DLG2: variants seen among roughly 807,000 people sequenced by gnomAD.
DLG2 encodes disks large homolog 2.
In DLG2, 45 loss-of-function variants were observed where a neutral mutation model predicts 132.5. The observed-to-expected ratio is 0.34, with a 90% CI of 0.27 to 0.44. The LOEUF is 0.44. Ranked by LOEUF, DLG2 falls within the 20% of genes least tolerant of loss-of-function variation. The pLI is 1.00. For missense variants in DLG2, 1,045 were observed against 1,196.9 expected, an observed-to-expected ratio of 0.87 and a Z score of 1.87; for synonymous variants, 424 against 419.6, an observed-to-expected ratio of 1.01 and a Z score of -0.13.
chr11:83,644,578 T>C lies in DLG2; in HGVS notation c.1826-11253A>G, dbSNP rs1401490348. On this transcript the variant is annotated intron_variant, in intron 18 of 27. Coordinates refer to ENST00000376104, the MANE Select transcript of DLG2 (RefSeq NM_001142699.3). The stretch of plus-strand genomic sequence containing the variant: ...CTATTTATCATATTAATATTGCGAG[T>C]ATTTTGTGTTATGCAGCCAGAAAAA... Among the ~76,000 whole-genome samples the C allele has an allele frequency of 3.3e-5, 5 of 152,066 alleles. 1 individual carries two copies. The South Asian group carries it at 8.3e-4, about 25-fold the overall frequency.
At chr11:84,699,250 G>A (rs1197659112) in intron 6 of DLG2, among the ~76,000 whole-genome samples, 19 of 151,534 alleles carry the variant, frequency 1.3e-4, no homozygotes, top group Admixed American at 1.3e-3. Context: ...AAGTGCTTGG[G>A]CATGTTCCTG....
intron 3 of DLG2, among the ~76,000 whole-genome samples, chr11:85,476,577 TC>T (rs1021858091): frequency 7.9e-5 from 12 of 152,148 alleles, no homozygotes; most frequent in Non-Finnish European, 1.8e-4. Context: ...ATCTTTTCTT[TC>T]TTTATATCCT....
intron 3 of DLG2, among the ~76,000 whole-genome samples, chr11:85,584,333 T>A (rs2153229777): frequency 7.3e-6 from 1 of 137,158 alleles, no homozygotes; most frequent in Admixed American, 7.8e-5. Flanking sequence ...CTGAGTAGTA[T>A]TCCATGGTGT....
At chr11:84,631,262 AT>A (rs1265001863) in intron 6 of DLG2, among the ~76,000 whole-genome samples, 3 of 81,412 alleles carry the variant, frequency 3.7e-5, no homozygotes, top group Admixed American at 2.7e-4. Context: ...TAATTAGCCC[AT>A]AAAAAAAAAT....
At chr11:84,712,107 A>C (rs942908116) in intron 6 of DLG2, among the ~76,000 whole-genome samples, 1 of 152,080 alleles carries the variant, frequency 6.6e-6, no homozygotes, top group African/African-American at 2.4e-5. Flanking sequence ...GAATGATTTC[A>C]CCATATGTAC....
intron 19 of DLG2, among the ~76,000 whole-genome samples, chr11:83,567,337 G>C (rs2096725674): frequency 6.6e-6 from 1 of 152,118 alleles, no homozygotes; most frequent in Non-Finnish European, 1.5e-5. Flanking sequence ...TATGTTTAAG[G>C]CTACTGTTTT....
At position 83,556,378 on chromosome 11, in the gene DLG2, C is replaced by CTT. The variant is rs11368850; in HGVS notation, c.1941-14522_1941-14521dup. ...ATTTTCAGTTTTGTCCTTTTTCTTT[C>CTT]TTTTTTTTTTTTGAGATGGGGTTTC... On this transcript the variant is annotated intron_variant, in intron 19 of 27. Coordinates refer to ENST00000376104, the MANE Select transcript of DLG2 (RefSeq NM_001142699.3). Among the ~76,000 whole-genome samples, 429 of 144,330 alleles carry CTT rather than the reference C, an allele frequency of 3.0e-3. 1 individual carries two copies. Among genetic ancestry groups the CTT allele is most frequent in the Non-Finnish European group, 4.9e-3 (324 of 66,180 alleles). 94.7% of individuals were successfully genotyped at this position (144,330 alleles called of 152,430 possible).
intron 6 of DLG2, among the ~76,000 whole-genome samples, chr11:84,957,393 T>G (rs949727609): frequency 1.3e-5 from 2 of 152,232 alleles, no homozygotes; most frequent in Non-Finnish European, 2.9e-5. Flanking sequence ...ACATTATATG[T>G]GATATTTAAA....
At chr11:83,508,403 A>ATTTTTTTTTTTTTTTTTTTTTTT (rs746968613) in intron 21 of DLG2, among the ~76,000 whole-genome samples, 1 of 80,238 alleles carries the variant, frequency 1.2e-5, no homozygotes, top group African/African-American at 6.3e-5. Context: ...CGCCTGGCTA[A>ATTTTTTTTTTTTTTTTTTTTTTT]TTTTTTTTTT....
At chr11:83,487,328 TAACA>T (rs58858732) in intron 21 of DLG2, among the ~76,000 whole-genome samples, 93,499 of 151,416 alleles carry the variant, frequency 0.62, 29,501 homozygotes, top group African/African-American at 0.74. Context: ...AAACAATAAC[TAACA>T]AACATTTATT....
intron 6 of DLG2, among the ~76,000 whole-genome samples, chr11:84,628,843 G>A (rs796881505): frequency 4.6e-5 from 7 of 152,320 alleles, no homozygotes; most frequent in African/African-American, 1.7e-4. Context: ...GCTTAGCAAA[G>A]TGTTCAATGA....
intron 6 of DLG2, among the ~76,000 whole-genome samples, chr11:84,981,576 G>A (rs772761526): frequency 1.9e-4 from 29 of 151,978 alleles, no homozygotes; most frequent in Non-Finnish European, 3.4e-4. Flanking sequence ...TTTCTGTTTT[G>A]CTTATAAAAC....
intron 3 of DLG2, among the ~76,000 whole-genome samples, chr11:85,304,873 C>G (rs2079836903): frequency 6.6e-6 from 1 of 152,142 alleles, no homozygotes; most frequent in Admixed American, 6.5e-5. Context: ...AGTATTTATT[C>G]AATTATGTAA....
At chr11:83,720,954 G>GA (rs2088373854) in intron 18 of DLG2, 1 of 152,186 alleles carries the variant, frequency 6.6e-6, no homozygotes, top group East Asian at 1.9e-4. Context: ...ATCTGGGGGT[G>GA]AATCAACTAA....
chr11:84,500,069 C>T (rs1021512477), intron 7 of DLG2, among the ~76,000 whole-genome samples: 1 of 151,876 alleles, frequency 6.6e-6, no homozygotes, highest in Admixed American at 6.6e-5. Context: ...AAGGAGAATA[C>T]ATTCAGGAAG....
intron 6 of DLG2, chr11:84,545,544 A>C (rs1486904830): frequency 2.6e-6 from 1 of 390,300 alleles, no homozygotes; most frequent in East Asian, 6.2e-5. Context: ...TTGCTTTGAC[A>C]GGGATGAATT....
chr11:84,712,179 C>G (rs1446060368), intron 6 of DLG2, among the ~76,000 whole-genome samples: 4 of 152,112 alleles, frequency 2.6e-5, no homozygotes, highest in Admixed American at 2.6e-4. Context: ...TTCTTAAAGT[C>G]TGAGCTCTTT....
intron 6 of DLG2, among the ~76,000 whole-genome samples, chr11:84,989,940 C>A (rs2056900586): frequency 6.6e-6 from 1 of 152,132 alleles, no homozygotes; most frequent in South Asian, 2.1e-4. Context: ...GACATCTAAA[C>A]CTAGCATTAG....
chr11:85,386,720 T>A (rs2086359717), intron 3 of DLG2, among the ~76,000 whole-genome samples: 1 of 151,922 alleles, frequency 6.6e-6, no homozygotes, highest in African/African-American at 2.4e-5. Flanking sequence ...AGCTTATCTT[T>A]TTATTTCTGT....
Sources: gnomAD v4.1 joint callset for allele counts (sites outside exome capture counted in the v4.1 genomes callset) on GRCh38, gnomAD v4.1.1 for gene constraint, MANE v1.5 for transcripts, NCBI Gene and HGNC (gene_info 2026-07-23, HGNC 2026-07-21) for gene names.